CDYL2: variants seen among roughly 807,000 people sequenced by gnomAD.
CDYL2 encodes the protein chromodomain Y like 2, also known as chromodomain Y-like protein 2.
Under a neutral mutation model 49.4 loss-of-function variants are expected in CDYL2, and 23 were observed. The ratio of observed to expected loss-of-function variants is 0.47; its 90% CI spans 0.34 to 0.66. The LOEUF is 0.66. CDYL2 is among the 30% of genes least tolerant of loss of function. The pLI is 0.01. For missense variants in CDYL2, 678 were observed against 656.4 expected, an observed-to-expected ratio of 1.03 and a Z score of -0.36; for synonymous variants, 360 against 268.8, an observed-to-expected ratio of 1.34 and a Z score of -3.32.
intron 1 of CDYL2, among the ~76,000 whole-genome samples, chr16:80,722,060 A>G (rs1905016729): frequency 6.6e-6 from 1 of 152,200 alleles, no homozygotes; most frequent in Admixed American, 6.5e-5. Context: ...GGGCTCTATA[A>G]ACAAATTAAA....
chr16:80,732,186 CCACATTT>C (rs1905350587), intron 1 of CDYL2, among the ~76,000 whole-genome samples: 2 of 152,246 alleles, frequency 1.3e-5, no homozygotes, highest in South Asian at 4.2e-4. Context: ...ACATGAAGTA[CCACATTT>C]CACTGATGAT....
At chr16:80,715,116 C>T (rs903717680) in intron 1 of CDYL2, among the ~76,000 whole-genome samples, 3 of 152,146 alleles carry the variant, frequency 2.0e-5, no homozygotes, top group Non-Finnish European at 4.4e-5. Flanking sequence ...GTAAGTGTAA[C>T]TGCAGTACGG....
Position 80,644,977 on chromosome 16 carries a change from C to G in CDYL2, c.617-11741G>C, listed in dbSNP as rs563176528. On this transcript the variant is annotated intron_variant, in intron 2 of 6. Transcript: ENST00000570137. The stretch of plus-strand genomic sequence containing the variant: ...CTGGATCCCTTCCTTACACCTTATA[C>G]AAAAATTAATTCAAGATGGATTAAA... Among the ~76,000 whole-genome samples the G allele has an allele frequency of 2.7e-3, 407 of 152,176 alleles. 2 individuals are homozygous for G. Among genetic ancestry groups the G allele is most frequent in the African/African-American group, 9.2e-3 (381 of 41,520 alleles).
At chr16:80,764,454 C>T (rs1253482135) in intron 1 of CDYL2, among the ~76,000 whole-genome samples, 1 of 152,062 alleles carries the variant, frequency 6.6e-6, no homozygotes, top group Non-Finnish European at 1.5e-5. Flanking sequence ...ATTCCATTCC[C>T]TATCCCAATG....
At chr16:80,759,122 A>ATATATATATATATATATATATATGGTT (rs1567597502) in intron 1 of CDYL2, among the ~76,000 whole-genome samples, 92 of 127,788 alleles carry the variant, frequency 7.2e-4, no homozygotes, top group African/African-American at 2.9e-3. Flanking sequence ...ATATATATAT[A>ATATATATATATATATATATATATGGTT]TATATATATA....
intron 2 of CDYL2, among the ~76,000 whole-genome samples, chr16:80,681,351 T>A (rs896928396): frequency 6.6e-6 from 1 of 151,970 alleles, no homozygotes; most frequent in Admixed American, 6.6e-5. Context: ...GAAGGTGAGG[T>A]TAGGGAAGAG....
intron 2 of CDYL2, among the ~76,000 whole-genome samples, chr16:80,654,425 C>G (rs1220531090): frequency 6.6e-6 from 1 of 152,240 alleles, no homozygotes; most frequent in African/African-American, 2.4e-5. Flanking sequence ...TTATAATCAT[C>G]ATGCCCAGCT....
intron 1 of CDYL2, among the ~76,000 whole-genome samples, chr16:80,737,117 G>A (rs895694790): frequency 1.1e-4 from 16 of 152,138 alleles, no homozygotes; most frequent in African/African-American, 3.9e-4. Flanking sequence ...TAGGAAAACT[G>A]AGGATCTTGA....
chr16:80,647,502 A>AAT (rs1908402745), intron 2 of CDYL2, among the ~76,000 whole-genome samples: 2 of 152,244 alleles, frequency 1.3e-5, no homozygotes, highest in East Asian at 1.9e-4. Context: ...TAAAATTTTA[A>AAT]ATATATATAT....
At chr16:80,647,304 A>T (rs1280467325) in intron 2 of CDYL2, among the ~76,000 whole-genome samples, 1 of 152,200 alleles carries the variant, frequency 6.6e-6, no homozygotes, top group Non-Finnish European at 1.5e-5. Context: ...TACAGATTCA[A>T]TGTAATCCCT....
rs148872893 is a variant in CDYL2, at chr16:80,621,532, T to C, written c.835-597A>G. 3.1e-3 allele frequency among the ~76,000 whole-genome samples: 467 copies of C among 152,350 alleles called. 3 individuals are homozygous for C. Among genetic ancestry groups the C allele is most frequent in the African/African-American group, 0.01 (419 of 41,584 alleles). On this transcript the variant is annotated intron_variant, in intron 3 of 6. Coordinates refer to ENST00000570137, the MANE Select transcript of CDYL2 (RefSeq NM_152342.4). ...ACTAGCCATGGGACCTGAGCCATGC[T>C]GGTTATTCATCCTCAATGTCCCCAT...
chr16:80,706,867 T>C (rs1469426804), intron 1 of CDYL2, among the ~76,000 whole-genome samples: 1 of 152,102 alleles, frequency 6.6e-6, no homozygotes, highest in Non-Finnish European at 1.5e-5. Context: ...GAGGTAGATA[T>C]CAGAAGACCT....
Position 80,604,457 on chromosome 16 carries a change from C to G in CDYL2, c.1452G>C (p.Gln484His), listed in dbSNP as rs377083708. The change falls in exon 7 of 7, where the codon CAG becomes CAC. Residue 484 changes from glutamine to histidine, a missense_variant. Gln to His is a conservative substitution (Grantham distance 24, BLOSUM62 0). Around this residue, in one of 3 missense-constraint regions of CDYL2, gnomAD observed 153 missense variants for 150.6 expected, o/e 1.02. Coordinates refer to ENST00000570137, the MANE Select transcript of CDYL2 (RefSeq NM_152342.4). ...CAAGGCCTTTGGAGGAGCTCCAGAG[C>G]TGCTTGAGCATGAGGCATTCCTTCT... Reference protein sequence around the residue: ...VNEKECLMLKQLWSSSKGLDS... With the variant: ...VNEKECLMLKHLWSSSKGLDS... The G allele has an allele frequency of 2.0e-5, 32 of 1,614,182 alleles. No homozygotes were observed. Among genetic ancestry groups the G allele is most frequent in the Non-Finnish European group, 2.5e-5 (29 of 1,180,026 alleles).
At chr16:80,646,720 C>G (rs1349051368) in intron 2 of CDYL2, among the ~76,000 whole-genome samples, 1 of 151,956 alleles carries the variant, frequency 6.6e-6, no homozygotes, top group Non-Finnish European at 1.5e-5. Context: ...ACCAGGGAGT[C>G]AGAGGTTGCA....
intron 1 of CDYL2, among the ~76,000 whole-genome samples, chr16:80,768,140 C>A (rs1906787250): frequency 6.6e-6 from 1 of 152,182 alleles, no homozygotes; most frequent in Non-Finnish European, 1.5e-5. Flanking sequence ...AGCCTGATGA[C>A]TTCACAGCCC....
At chr16:80,662,042 C>T (rs958789730) in intron 2 of CDYL2, among the ~76,000 whole-genome samples, 5 of 152,194 alleles carry the variant, frequency 3.3e-5, no homozygotes, top group African/African-American at 1.2e-4. Context: ...GTGGTGCATT[C>T]CGTATTCACC....
intron 1 of CDYL2, among the ~76,000 whole-genome samples, chr16:80,714,099 T>G (rs112835998): frequency 6.4e-4 from 97 of 152,282 alleles, no homozygotes; most frequent in African/African-American, 2.0e-3. Context: ...ACACTACTAA[T>G]TTATAGGTGG....
At chr16:80,672,523 C>CAAAGGA (rs1407763595) in intron 2 of CDYL2, among the ~76,000 whole-genome samples, 6 of 72,552 alleles carry the variant, frequency 8.3e-5, no homozygotes, top group East Asian at 3.5e-4. Flanking sequence ...AGAAGCAAAG[C>CAAAGGA]AAAGGAAAAG....
At chr16:80,708,473 C>G (rs1051104961) in intron 1 of CDYL2, among the ~76,000 whole-genome samples, 2 of 152,184 alleles carry the variant, frequency 1.3e-5, no homozygotes, top group Non-Finnish European at 2.9e-5. Context: ...GCCATTAAAC[C>G]TCTTTCTTTT....
Sources: gnomAD v4.1 joint callset for allele counts (sites outside exome capture counted in the v4.1 genomes callset) on GRCh38, gnomAD v4.1.1 for gene constraint, gnomAD v4.1.1 regional missense constraint, MANE v1.5 for transcripts, NCBI Gene and HGNC (gene_info 2026-07-23, HGNC 2026-07-21) for gene names.